The following FHL3 variants were observed in gnomAD, a reference collection of about 807,000 sequenced individuals.
FHL3 encodes the protein four and a half LIM domains 3.
A neutral mutation model predicts 34.3 loss-of-function variants in FHL3; 21 were observed. The ratio of observed to expected loss-of-function variants is 0.61; its 90% confidence interval spans 0.43 to 0.88. FHL3 has a LOEUF of 0.88. FHL3 is among the 40% of genes least tolerant of loss of function. FHL3 has a pLI of 0.00. For missense variants in FHL3, 333 were observed against 373.7 expected (o/e 0.89, Z 0.90); for synonymous variants, 137 against 144.6 (o/e 0.95, Z 0.38).
In FHL3 at chr1:37,998,061, G is replaced by A. The variant is rs766773447; in HGVS notation, c.403C>T (p.Pro135Ser). ...HCFLCSGCEQ[P>S]LGSRSFVPDK... The stretch of plus-strand genomic sequence containing the variant: ...GGCACAAAAGAACGGGAGCCCAGTG[G>A]CTGTTCACAGCCACTGCACAGGAAG... The change falls in exon 4 of 6, where the codon CCA becomes TCA. Residue 135 changes from proline to serine, a missense_variant. Transcript: ENST00000373016. 6.2e-7 allele frequency: 1 copy of A among 1,614,032 alleles called. No individual in the cohort carries two copies.
intron 3 of FHL3, chr1:37,998,688 C>A: frequency 2.3e-6 from 1 of 439,842 alleles, no homozygotes. Flanking sequence ...AGACCCAATG[C>A]AACAAGCATG....
In FHL3 at chr1:38,002,288, C is replaced by CG. The variant is rs1276551042; in HGVS notation, c.-20-2857dup. ...TAATTTTTTGTATTTTTAGTAGAGA[C>CG]GGGGTTTCACTGTGTTAGTCAGGAT... is the stretch of plus-strand genomic sequence containing the variant. On this transcript the variant is annotated intron_variant, in intron 1 of 5. Transcript: ENST00000373016. 8.6e-5 allele frequency among the ~76,000 whole-genome samples: 13 copies of CG among 151,942 alleles called. No individual in the cohort carries two copies. In the East Asian group the frequency reaches 2.5e-3, roughly 30 times the overall value.
chr1:38,004,947 G>C (rs1485925345), intron 1 of FHL3, among the ~76,000 whole-genome samples: 1 of 151,980 alleles, frequency 6.6e-6, no homozygotes, highest in Admixed American at 6.6e-5. Context: ...AACTCTGTAC[G>C]CCCGGTGTGT....
At chr1:37,998,685 A>G (rs1646560919) in intron 3 of FHL3, 2 of 432,224 alleles carry the variant, frequency 4.6e-6, no homozygotes, top group Admixed American at 7.1e-5. Flanking sequence ...TTAAGACCCA[A>G]TGCAACAAGC....
At chr1:37,999,496 G>C in intron 1 of FHL3, 64 bp from the exon 2 acceptor site, 2 of 1,499,264 alleles carry the variant, frequency 1.3e-6, no homozygotes, top group Non-Finnish European at 1.8e-6. Context: ...TCCTGGCAAA[G>C]AGGCCTCTGC....
At position 37,999,101 on chromosome 1, in the gene FHL3, G is replaced by A; in HGVS notation, c.204C>T (p.Cys68=). 6.2e-7 allele frequency: 1 copy of A among 1,614,174 alleles called. No homozygotes were observed. The highest frequency in any genetic ancestry group is 8.5e-7 in the Non-Finnish European group (1 of 1,180,026). ...DRHFHEGCFR[C]CRCQRSLADE... ...CGGCTAGTGAGCGCTGGCAGCGGCA[G>A]CAGCGGAAGCAGCCCTCGTGGAAAT... The change falls in exon 3 of 6, where the codon TGC becomes TGT. Residue 68 remains cysteine, a synonymous_variant. Transcript: ENST00000373016.
chr1:38,002,922 T>G (rs2148732047), intron 1 of FHL3, among the ~76,000 whole-genome samples: 1 of 151,570 alleles, frequency 6.6e-6, no homozygotes, highest in East Asian at 2.0e-4. Flanking sequence ...CTTTGGGAGG[T>G]TAAGGCCGGT....
At chr1:38,001,642 A>C (rs72663611) in intron 1 of FHL3, among the ~76,000 whole-genome samples, 12,127 of 152,272 alleles carry the variant, frequency 0.08, 574 homozygotes, top group Admixed American at 0.15. Context: ...CGGGGACTGA[A>C]GGGAGCCAGC....
rs1319573210 is a variant in FHL3, at chr1:37,997,546, G to T, written c.702C>A (p.Gly234=). The change falls in exon 6 of 6, where the codon GGC becomes GGA. Residue 234 remains glycine, a synonymous_variant. Transcript: ENST00000373016. The surrounding 1 kb of genome is among the most constrained non-coding windows in gnomAD (Gnocchi z 4.3). ...GTCGGTCTTCAAAGGACACATACTT[G>T]CCTCCACCGAGTCCTGGAGGGAGGC... ...CKRPIVGLGG[G]KYVSFEDRHW... 6.2e-7 allele frequency: 1 copy of T among 1,613,640 alleles called. No individual in the cohort carries two copies. Among genetic ancestry groups the T allele is most frequent in the Non-Finnish European group, 8.5e-7 (1 of 1,179,818 alleles).
At chr1:38,005,146 G>A (rs1011037087) in intron 1 of FHL3, among the ~76,000 whole-genome samples, 2 of 150,466 alleles carry the variant, frequency 1.3e-5, no homozygotes, top group African/African-American at 2.4e-5. Flanking sequence ...TGCCGCCCCC[G>A]CCCCCGCCCC....
chr1:37,999,067 A>G lies in FHL3; in HGVS notation c.238T>C (p.Phe80Leu). The G allele has an allele frequency of 6.2e-7, 1 of 1,614,244 alleles. No individual in the cohort carries two copies. The highest frequency in any genetic ancestry group is 1.1e-5 in the South Asian group (1 of 91,090). The change falls in exon 3 of 6, where the codon TTC becomes CTC. Residue 80 changes from phenylalanine to leucine, a missense_variant. Physicochemically the swap from Phe to Leu is conservative, Grantham distance 22. Transcript: ENST00000373016. Reference protein sequence around the residue: ...RCQRSLADEPFTCQDSELLCN... With the variant: ...RCQRSLADEPLTCQDSELLCN... ...AGCAGCTCACTGTCCTGGCAGGTGA[A>G]GGGTTCATCGGCTAGTGAGCGCTGG... is the stretch of plus-strand genomic sequence containing the variant.
chr1:37,997,592 G>C lies in FHL3; in HGVS notation c.689-33C>G. Reference sequence around the variant, plus strand: ...GAGGCTGGAAGTTAGCTATGCAGATGTGGGGATGGTCCGGCCCTCAACCTC... The same window carrying C: ...GAGGCTGGAAGTTAGCTATGCAGATCTGGGGATGGTCCGGCCCTCAACCTC... On this transcript the variant is annotated intron_variant, in intron 5 of 5. Coordinates refer to ENST00000373016, the MANE Select transcript of FHL3 (RefSeq NM_004468.5). This position sits in a 1 kb window ranked among gnomAD's most constrained non-coding sequence, Gnocchi z 4.3. 2 of 1,613,408 alleles carry C rather than the reference G, an allele frequency of 1.2e-6. No individual in the cohort carries two copies. Among genetic ancestry groups the C allele is most frequent in the Non-Finnish European group, 1.7e-6 (2 of 1,179,598 alleles).
At position 38,004,137 on chromosome 1, in the gene FHL3, A is replaced by G. The variant is rs376914823; in HGVS notation, c.-21+1220T>C. 6.3e-4 allele frequency among the ~76,000 whole-genome samples: 95 copies of G among 151,988 alleles called. No homozygotes were observed. The South Asian group carries it at 0.014, about 23-fold the overall frequency. On this transcript the variant is annotated intron_variant, in intron 1 of 5. Coordinates refer to ENST00000373016, the MANE Select transcript of FHL3 (RefSeq NM_004468.5). The stretch of plus-strand genomic sequence containing the variant: ...CCAACCCCAAGCTCTGCTCTCCCCC[A>G]TGTGGCCTGGAAGTCAGAGAAGTTT...
intron 1 of FHL3, among the ~76,000 whole-genome samples, chr1:38,001,670 C>A (rs1413547790): frequency 6.6e-6 from 1 of 152,216 alleles, no homozygotes; most frequent in African/African-American, 2.4e-5. Flanking sequence ...TCCTTCCTGA[C>A]CGGCAGTGGG....
chr1:37,999,159 C>T lies in FHL3; in HGVS notation c.157-11G>A, dbSNP rs200715207. 3 of 1,614,152 alleles carry T rather than the reference C, an allele frequency of 1.9e-6. No individual in the cohort carries two copies. The highest frequency in any genetic ancestry group is 1.1e-5 in the South Asian group (1 of 91,086). ...TTCATAGAACAGCTCCTGTGGGGAACACAGCAGGGGCACTGGCACCCAGGC... is the reference window on the plus strand; with the variant it reads ...TTCATAGAACAGCTCCTGTGGGGAATACAGCAGGGGCACTGGCACCCAGGC... On this transcript the variant is annotated splice_polypyrimidine_tract_variant and intron_variant, in intron 2 of 5. Transcript: ENST00000373016.
Position 37,997,584 on chromosome 1 carries a change from A to C in FHL3, c.689-25T>G. 2 of 1,613,366 alleles carry C rather than the reference A, an allele frequency of 1.2e-6. No homozygotes were observed. Among genetic ancestry groups the C allele is most frequent in the Non-Finnish European group, 1.7e-6 (2 of 1,179,662 alleles). ...CCTGGAGGGAGGCTGGAAGTTAGCTATGCAGATGTGGGGATGGTCCGGCCC... is the reference window on the plus strand; with the variant it reads ...CCTGGAGGGAGGCTGGAAGTTAGCTCTGCAGATGTGGGGATGGTCCGGCCC... On this transcript the variant is annotated intron_variant, in intron 5 of 5. Transcript: ENST00000373016. This position sits in a 1 kb window ranked among gnomAD's most constrained non-coding sequence, Gnocchi z 4.3.
Position 37,999,099 on chromosome 1 carries a change from C to A in FHL3, c.206G>T (p.Cys69Phe). The stretch of plus-strand genomic sequence containing the variant: ...ATCGGCTAGTGAGCGCTGGCAGCGG[C>A]AGCAGCGGAAGCAGCCCTCGTGGAA... ...RHFHEGCFRC[C>F]RCQRSLADEP... The change falls in exon 3 of 6, where the codon TGC becomes TTC. Residue 69 changes from cysteine to phenylalanine, a missense_variant. Transcript: ENST00000373016. 1 of 1,614,182 alleles carries A rather than the reference C, an allele frequency of 6.2e-7. No homozygotes were observed. Among genetic ancestry groups the A allele is most frequent in the Non-Finnish European group, 8.5e-7 (1 of 1,180,040 alleles).
rs530715291 is a variant in FHL3 at position 37,998,824 on chromosome 1, G to A, written c.331+150C>T. The A allele has an allele frequency of 5.2e-4, 395 of 760,138 alleles. 6 individuals carry two copies. In the South Asian group the frequency reaches 6.3e-3, roughly 12 times the overall value. The allele number at this position is 760,138 out of a possible 1,614,324, so 47.1% of individuals were successfully genotyped here. A position where few individuals can be genotyped will look rare whatever the true frequency, so the allele number is the denominator to read the frequency against. On this transcript the variant is annotated intron_variant, in intron 3 of 5. Coordinates refer to ENST00000373016, the MANE Select transcript of FHL3 (RefSeq NM_004468.5). ...CATAGTAGCCCCCAGGAGTATACCA[G>A]GCAAACAGATCCCGTATATACTAAA...
chr1:37,999,259 T>C lies in FHL3; in HGVS notation c.154A>G (p.Arg52Gly). 6.2e-7 allele frequency: 1 copy of C among 1,614,086 alleles called. No homozygotes were observed. Among genetic ancestry groups the C allele is most frequent in the Non-Finnish European group, 8.5e-7 (1 of 1,179,982 alleles). ...GCCTGGCCTGGCCCTCTCCTTACCC[T>C]CGAGTCATGCCCGATAAGCTGCTGG... ...ECQQLIGHDS[R>G]ELFYEDRHFH... Residue 52 changes from arginine to glycine, a missense_variant and splice_region_variant, in exon 2 of 6, where the codon AGG (arginine) becomes GGG (glycine). By Grantham distance (125) the Arg-to-Gly change is moderately radical (BLOSUM62 -2). Transcript: ENST00000373016.
Sources: allele counts gnomAD v4.1 joint callset (sites outside exome capture counted in the v4.1 genomes callset), GRCh38; gene constraint gnomAD v4.1.1; non-coding constraint Gnocchi (gnomAD v3.1); transcripts MANE v1.5; gene names NCBI Gene and HGNC (gene_info 2026-07-23, HGNC 2026-07-21).